The following THBS2 variants were observed in gnomAD, a reference collection of about 807,000 sequenced individuals.
THBS2 encodes thrombospondin 2.
In THBS2, 47 loss-of-function variants were observed where a neutral mutation model predicts 135.2. That is an observed-to-expected ratio of 0.35 (90% CI 0.28 to 0.44). THBS2 has a LOEUF of 0.44. THBS2 is among the 20% of genes least tolerant of loss of function. The pLI, the probability that THBS2 is intolerant of heterozygous loss-of-function variation, is 1.00. For synonymous variants in THBS2, 639 were observed against 633.8 expected, an observed-to-expected ratio of 1.01 and a Z score of -0.12; for missense variants, 1,288 against 1,603.1, an observed-to-expected ratio of 0.80 and a Z score of 3.36.
intron 17 of THBS2, among the ~76,000 whole-genome samples, chr6:169,224,827 C>T (rs985183879): frequency 7.9e-5 from 12 of 152,198 alleles, no homozygotes; most frequent in South Asian, 2.1e-4. Flanking sequence ...ATTCATCCTA[C>T]GTTCGTAACC....
In THBS2 at chr6:169,217,839, GA is replaced by G. The variant is rs58423957; in HGVS notation, c.3512-11del. The G allele has an allele frequency of 0.67, 1,043,443 of 1,566,156 alleles. 344,409 individuals carry two copies. The highest frequency in any genetic ancestry group is 0.79 in the Middle Eastern group (4,491 of 5,698). ...AATCTTGTTTAAATATCTACAAAAA[GA>G]AAAAAAAAAGCAATAAACAATTAGC... On this transcript the variant is annotated splice_polypyrimidine_tract_variant and intron_variant, in intron 21 of 21. Transcript: ENST00000617924.
intron 21 of THBS2, 112 bp downstream of exon 21, chr6:169,220,068 TGTGTGGTATTGTGCATTA>T: frequency 8.7e-7 from 1 of 1,154,082 alleles, no homozygotes; most frequent in Non-Finnish European, 1.2e-6. Context: ...AGGGGGCTCA[TGTGTGGTATTGTGCATTA>T]GGTTTATTGC....
At chr6:169,246,324 A>C in intron 3 of THBS2, 43 bp from the exon 4 acceptor site, 2 of 1,493,398 alleles carry the variant, frequency 1.3e-6, no homozygotes, top group Non-Finnish European at 1.9e-6. Context: ...ACAGATAAAC[A>C]TCCAATGTTT....
chr6:169,226,326 CA>C (rs752686614), intron 15 of THBS2, 28 bp from the exon 16 acceptor site: 4 of 1,565,594 alleles, frequency 2.6e-6, no homozygotes, highest in Non-Finnish European at 3.5e-6. Flanking sequence ...GGGAAGAAAA[CA>C]AAAACAAACC....
chr6:169,231,821 A>G (rs1023152094), intron 13 of THBS2, among the ~76,000 whole-genome samples, 159 bp downstream of exon 13: 40 of 152,208 alleles, frequency 2.6e-4, no homozygotes, highest in African/African-American at 5.1e-4. Flanking sequence ...AGAGGGGACC[A>G]GGGGGATGCA....
chr6:169,249,339 C>G (rs533017811), intron 2 of THBS2, among the ~76,000 whole-genome samples: 1 of 152,158 alleles, frequency 6.6e-6, no homozygotes, highest in African/African-American at 2.4e-5. Flanking sequence ...ATCCCGGCCT[C>G]GCTTGACATC....
chr6:169,240,484 C>A lies in THBS2; in HGVS notation c.1000G>T (p.Val334Leu). ...GTACACGTGGTGCAGCTGTCCACCACCCACGTTTCATTTTCCGCAAAGAAC... is the reference window on the plus strand; with the variant it reads ...GTACACGTGGTGCAGCTGTCCACCAACCACGTTTCATTTTCCGCAAAGAAC... ...GRFFAENETW[V>L]VDSCTTCTCK... is the part of the protein sequence containing the mutation. The change falls in exon 6 of 22, where the codon GTG becomes TTG. Residue 334 changes from valine (V) to leucine (L), a missense_variant. Physicochemically the swap from Val to Leu is conservative, Grantham distance 32 (BLOSUM62 1). This residue lies in a region of THBS2 where 874 missense variants were observed against 1,156.1 expected (regional missense o/e 0.76). Transcript: ENST00000617924. The A allele has an allele frequency of 6.2e-7, 1 of 1,613,924 alleles. No homozygotes were observed. The highest frequency in any genetic ancestry group is 8.5e-7 in the Non-Finnish European group (1 of 1,180,028).
At position 169,217,512 on chromosome 6, in the gene THBS2, G is replaced by C; in HGVS notation, c.*310C>G. On this transcript the variant is annotated 3_prime_UTR_variant, in exon 22 of 22. Transcript: ENST00000617924. ...AAGTAATTACATTTTATATGTAAAC[G>C]TCATTCTTTTTAAACAAACAAGAAA... 1 of 386,670 alleles carries C rather than the reference G, an allele frequency of 2.6e-6. No homozygotes were observed. Among genetic ancestry groups the C allele is most frequent in the Non-Finnish European group, 4.6e-6 (1 of 216,444 alleles). The allele number at this position is 386,670 out of a possible 1,614,324, so 24.0% of individuals were successfully genotyped here.
intron 12 of THBS2, 59 bp from the exon 13 acceptor site, chr6:169,232,257 G>A (rs1779865946): frequency 5.1e-6 from 8 of 1,582,190 alleles, no homozygotes; most frequent in South Asian, 1.1e-5. Context: ...CGGAGGCGTC[G>A]AGGCGGGGCG....
chr6:169,247,943 C>T (rs778534784), intron 3 of THBS2, among the ~76,000 whole-genome samples: 3 of 150,198 alleles, frequency 2.0e-5, no homozygotes, highest in East Asian at 2.0e-4. Flanking sequence ...TGTTTATGTG[C>T]GTCTGCATGT....
At position 169,225,340 on chromosome 6, in the gene THBS2, T is replaced by G. The variant is rs752231715; in HGVS notation, c.2578A>C (p.Asn860His). The change falls in exon 17 of 22, where the codon AAC (asparagine) becomes CAC (histidine). Residue 860 changes from asparagine (N) to histidine (H), a missense_variant. Physicochemically the swap from Asn to His is moderately conservative, Grantham distance 68. Coordinates refer to ENST00000617924, the MANE Select transcript of THBS2 (RefSeq NM_003247.5). ...CCGTCGTCATCTATGTCCTCGTTGT[T>G]GTCACACTGGTCCCCAACAAGGTCA... ...DNDLVGDQCDNNEDIDDDGHQ... is the reference protein window; with the variant it reads ...DNDLVGDQCDHNEDIDDDGHQ... The G allele has an allele frequency of 1.7e-5, 27 of 1,563,456 alleles. No homozygotes were observed. The highest frequency in any genetic ancestry group is 2.3e-5 in the Non-Finnish European group (27 of 1,153,508).
At chr6:169,246,400 T>C in intron 3 of THBS2, 119 bp from the exon 4 acceptor site, 1 of 805,476 alleles carries the variant, frequency 1.2e-6, no homozygotes, top group Non-Finnish European at 2.1e-6. Flanking sequence ...AGTATTTCCT[T>C]CTACGTAGCA....
chr6:169,244,573 T>C (rs1780480816), intron 4 of THBS2, among the ~76,000 whole-genome samples: 1 of 147,474 alleles, frequency 6.8e-6, no homozygotes, highest in Non-Finnish European at 1.5e-5. Context: ...ACAATATTTT[T>C]CTATATTAGT....
rs6605531 is a variant in THBS2 at position 169,222,106 on chromosome 6, G to T, written c.3273+91C>A. 1.9e-3 allele frequency: 2,750 copies of T among 1,421,482 alleles called. 66 individuals carry two copies. In the African/African-American group the frequency reaches 0.036, roughly 19 times the overall value. 88.1% of individuals were successfully genotyped at this position (1,421,482 alleles called of 1,614,324 possible). A position where few individuals can be genotyped will look rare whatever the true frequency, so the allele number is the denominator to read the frequency against. ...GGAGTTAAAATTAATAAAGACAAAA[G>T]TGGGGTCTCTGGACTGGGCTAGTCC... On this transcript the variant is annotated intron_variant, in intron 19 of 21. Coordinates refer to ENST00000617924, the MANE Select transcript of THBS2 (RefSeq NM_003247.5).
rs12435 is a variant in THBS2, at chr6:169,217,745, A to G, written c.*77T>C. ...GGAGGTGCTGCTAGAGAGAGAAGCCACAAGGACCACAATGAACTGAGGTGT... is the reference window on the plus strand; with the variant it reads ...GGAGGTGCTGCTAGAGAGAGAAGCCGCAAGGACCACAATGAACTGAGGTGT... On this transcript the variant is annotated 3_prime_UTR_variant, in exon 22 of 22. Coordinates refer to ENST00000617924, the MANE Select transcript of THBS2 (RefSeq NM_003247.5). 0.2 allele frequency: 313,166 copies of G among 1,531,976 alleles called. 33,031 individuals carry two copies. Among genetic ancestry groups the G allele is most frequent in the African/African-American group, 0.32 (22,842 of 72,200 alleles). 94.9% of individuals were successfully genotyped at this position (1,531,976 alleles called of 1,614,324 possible).
intron 20 of THBS2, 72 bp downstream of exon 20, chr6:169,221,358 T>C: frequency 7.4e-7 from 1 of 1,359,982 alleles, no homozygotes. Flanking sequence ...CTTATTTGTC[T>C]ATTAATGTTC....
chr6:169,228,785 G>C lies in THBS2; in HGVS notation c.2260-504C>G, dbSNP rs546829219. Among the ~76,000 whole-genome samples the C allele has an allele frequency of 1.4e-4, 22 of 152,130 alleles. 1 individual carries two copies. In the Middle Eastern group the frequency reaches 0.01, roughly 71 times the overall value. On this transcript the variant is annotated intron_variant, in intron 14 of 21. Transcript: ENST00000617924. ...CTAAAAATACAAAAATGAGCCGGGCGTGGTGGTGTGCGCCTGTAATGCCAG... is the reference window on the plus strand; with the variant it reads ...CTAAAAATACAAAAATGAGCCGGGCCTGGTGGTGTGCGCCTGTAATGCCAG...
intron 13 of THBS2, among the ~76,000 whole-genome samples, chr6:169,230,375 G>A (rs956169914): frequency 5.3e-5 from 8 of 152,162 alleles, no homozygotes; most frequent in African/African-American, 1.7e-4. Flanking sequence ...TGTCATCCCC[G>A]TGGCTCAAAG....
rs1028860856 is a variant in THBS2, at chr6:169,216,177, C to T, written c.*1645G>A. 6.6e-6 allele frequency: 1 copy of T among 151,966 alleles called. No individual in the cohort carries two copies. Among genetic ancestry groups the T allele is most frequent in the African/African-American group, 2.4e-5 (1 of 41,338 alleles). The allele number at this position is 151,966 out of a possible 1,614,324, so 9.4% of individuals were successfully genotyped here. On this transcript the variant is annotated 3_prime_UTR_variant, in exon 22 of 22. Coordinates refer to ENST00000617924, the MANE Select transcript of THBS2 (RefSeq NM_003247.5). ...AAAGTGCAGCAAAACAACAACACAA[C>T]GATCAACCTCAAAGGAAACAACAAA...
Sources: allele counts gnomAD v4.1 joint callset (sites outside exome capture counted in the v4.1 genomes callset), GRCh38; gene constraint gnomAD v4.1.1; regional missense constraint gnomAD v4.1.1; transcripts MANE v1.5; gene names NCBI Gene and HGNC (gene_info 2026-07-23, HGNC 2026-07-21).